Variants in MAML2 observed in about 807,000 individuals in gnomAD.
MAML2 encodes the protein mastermind like transcriptional coactivator 2.
MAML2 carries 22 observed loss-of-function variants against 96.1 expected under a neutral mutation model. The ratio of observed to expected loss-of-function variants is 0.23; its 90% CI spans 0.16 to 0.33. The LOEUF is 0.33. MAML2 is among the 10% of genes least tolerant of loss of function. The pLI, the probability that MAML2 is intolerant of heterozygous loss-of-function variation, is 1.00. For missense variants in MAML2, 1,367 were observed against 1,392.4 expected, an observed-to-expected ratio of 0.98 and a Z score of 0.29; for synonymous variants, 561 against 521.3, an observed-to-expected ratio of 1.08 and a Z score of -1.04.
chr11:96,183,241 G>A (rs1213666224), intron 1 of MAML2, among the ~76,000 whole-genome samples: 4 of 151,726 alleles, frequency 2.6e-5, no homozygotes, highest in African/African-American at 4.8e-5. Context: ...TTACAGGCAC[G>A]AGTCACTGCA....
chr11:96,136,908 C>T (rs1394082444), intron 1 of MAML2, among the ~76,000 whole-genome samples: 1 of 152,180 alleles, frequency 6.6e-6, no homozygotes, highest in East Asian at 1.9e-4. Flanking sequence ...GTACCCTGAA[C>T]ATCTTTGAGG....
chr11:96,035,410 G>C (rs1373077200), intron 2 of MAML2, among the ~76,000 whole-genome samples: 2 of 152,200 alleles, frequency 1.3e-5, no homozygotes, highest in African/African-American at 4.8e-5. Context: ...GCTCTGCCTA[G>C]ATCAATCAAA....
At chr11:96,211,898 G>A (rs1861977387) in intron 1 of MAML2, among the ~76,000 whole-genome samples, 1 of 152,120 alleles carries the variant, frequency 6.6e-6, no homozygotes, top group Non-Finnish European at 1.5e-5. Flanking sequence ...AGAATGGAGA[G>A]AACTAGGCCA....
chr11:96,274,077 C>CATT (rs1674736405), intron 1 of MAML2, among the ~76,000 whole-genome samples: 1 of 91,792 alleles, frequency 1.1e-5, no homozygotes. Context: ...TTTCCTTTTC[C>CATT]TTTTTTTTTT....
intron 1 of MAML2, among the ~76,000 whole-genome samples, chr11:96,157,610 A>C: frequency 6.6e-6 from 1 of 152,236 alleles, no homozygotes; most frequent in Non-Finnish European, 1.5e-5. Context: ...CTCTTATACA[A>C]AATTTGACTT....
chr11:96,199,133 T>G (rs1861775607), intron 1 of MAML2, among the ~76,000 whole-genome samples: 1 of 141,524 alleles, frequency 7.1e-6, no homozygotes, highest in South Asian at 2.2e-4. Flanking sequence ...GGAGGCAGAG[T>G]TTGCAGTGGG....
At chr11:96,307,178 C>T (rs1270252173) in intron 1 of MAML2, among the ~76,000 whole-genome samples, 4 of 152,230 alleles carry the variant, frequency 2.6e-5, no homozygotes, top group African/African-American at 9.6e-5. Flanking sequence ...TCACTCCAAT[C>T]CCTGCTCCCG....
At chr11:96,183,181 A>G (rs1347085922) in intron 1 of MAML2, among the ~76,000 whole-genome samples, 2 of 151,074 alleles carry the variant, frequency 1.3e-5, no homozygotes, top group Non-Finnish European at 3.0e-5. Context: ...CTGGTTTTGA[A>G]CTCCTCACCT....
intron 2 of MAML2, among the ~76,000 whole-genome samples, chr11:96,078,980 T>C (rs1859491821): frequency 1.3e-5 from 2 of 152,230 alleles, no homozygotes; most frequent in South Asian, 4.1e-4. Context: ...TCCTTCTACG[T>C]AGTGAATTTT....
At chr11:96,060,644 A>G (rs900959401) in intron 2 of MAML2, among the ~76,000 whole-genome samples, 1 of 152,224 alleles carries the variant, frequency 6.6e-6, no homozygotes, top group Non-Finnish European at 1.5e-5. Context: ...TTCTGTGAGT[A>G]CAAATGTGCT....
intron 1 of MAML2, among the ~76,000 whole-genome samples, chr11:96,166,643 C>T (rs1404967196): frequency 6.6e-6 from 1 of 152,174 alleles, no homozygotes; most frequent in African/African-American, 2.4e-5. Context: ...TGGCATTCAC[C>T]CAGATGGGGA....
At chr11:96,297,085 T>C (rs1336950508) in intron 1 of MAML2, among the ~76,000 whole-genome samples, 1 of 152,080 alleles carries the variant, frequency 6.6e-6, no homozygotes, top group Non-Finnish European at 1.5e-5. Flanking sequence ...AAGAGCATCA[T>C]TGACCTCAAT....
At chr11:96,278,920 G>C (rs1863025604) in intron 1 of MAML2, among the ~76,000 whole-genome samples, 4 of 152,176 alleles carry the variant, frequency 2.6e-5, no homozygotes, top group Admixed American at 2.6e-4. Context: ...TATGAGATCT[G>C]AAGGAGCTAA....
At chr11:96,178,899 C>A (rs914615099) in intron 1 of MAML2, among the ~76,000 whole-genome samples, 1 of 152,166 alleles carries the variant, frequency 6.6e-6, no homozygotes, top group Admixed American at 6.5e-5. Flanking sequence ...GAAGATAATG[C>A]TTTGCAGAAT....
intron 1 of MAML2, among the ~76,000 whole-genome samples, chr11:96,270,550 C>G (rs1862902708): frequency 6.6e-6 from 1 of 152,146 alleles, no homozygotes; most frequent in African/African-American, 2.4e-5. Flanking sequence ...ACCTCGTGAT[C>G]CGCCTGTCTT....
At chr11:96,240,855 A>T (rs1047413463) in intron 1 of MAML2, among the ~76,000 whole-genome samples, 1 of 152,200 alleles carries the variant, frequency 6.6e-6, no homozygotes, top group Non-Finnish European at 1.5e-5. Context: ...TATACTATAT[A>T]CACACAAACT....
intron 2 of MAML2, among the ~76,000 whole-genome samples, chr11:96,050,085 C>T (rs542236746): frequency 6.6e-6 from 1 of 152,060 alleles, no homozygotes; most frequent in African/African-American, 2.4e-5. Flanking sequence ...TCCATTTTAC[C>T]CTCAAAACAA....
At chr11:95,981,840 T>C (rs759079335) in intron 4 of MAML2, among the ~76,000 whole-genome samples, 1 of 152,072 alleles carries the variant, frequency 6.6e-6, no homozygotes, top group Non-Finnish European at 1.5e-5. Flanking sequence ...TGGAAAAAAA[T>C]GTAGAGGTTT....
chr11:96,252,370 C>G (rs1488760087), intron 1 of MAML2, among the ~76,000 whole-genome samples: 1 of 151,546 alleles, frequency 6.6e-6, no homozygotes, highest in African/African-American at 2.4e-5. Flanking sequence ...GAAAGCAAAC[C>G]CTTATGTGAT....
Sources: gnomAD v4.1 joint callset for allele counts (sites outside exome capture counted in the v4.1 genomes callset) on GRCh38, gnomAD v4.1.1 for gene constraint, MANE v1.5 for transcripts, NCBI Gene and HGNC (gene_info 2026-07-23, HGNC 2026-07-21) for gene names.